Variants in FER1L6 observed in about 807,000 individuals in gnomAD.
The protein encoded by FER1L6 is fer-1 like family member 6.
A neutral mutation model predicts 219.2 loss-of-function variants in FER1L6; 177 were observed. The observed-to-expected ratio is 0.81, with a 90% CI of 0.71 to 0.91. The LOEUF (loss-of-function observed/expected upper bound fraction) is 0.91. Ranked by LOEUF, FER1L6 falls within the 40% of genes least tolerant of loss-of-function variation. The pLI is 0.00. For synonymous variants in FER1L6, 768 were observed against 824.3 expected (o/e 0.93, Z 1.17); for missense variants, 2,153 against 2,259.9 (o/e 0.95, Z 0.96).
At chr8:123,932,980 CT>C (rs1563692268) in intron 1 of FER1L6, among the ~76,000 whole-genome samples, 1 of 152,080 alleles carries the variant, frequency 6.6e-6, no homozygotes, top group African/African-American at 2.4e-5. Flanking sequence ...GGTTCTGCCA[CT>C]AATGACCTGA....
chr8:123,960,095 G>A (rs990711718), intron 2 of FER1L6, among the ~76,000 whole-genome samples: 2 of 152,176 alleles, frequency 1.3e-5, no homozygotes, highest in Non-Finnish European at 2.9e-5. Context: ...TTCCTAACCT[G>A]TAGGGGGGTA....
In FER1L6 at chr8:123,975,222, T is replaced by G; in HGVS notation, c.599T>G (p.Leu200Arg). Residue 200 changes from leucine to arginine, a missense_variant, in exon 8 of 41, where the codon CTG (leucine) becomes CGG (arginine). Transcript: ENST00000522917. ...GDIRTGTKGY[L>R]KCDISVMGKG... is the part of the protein sequence containing the mutation. ...ATCAGGACTGGCACCAAGGGGTACC[T>G]GAAATGTGACATCAGTGTCATGGGA... 6.2e-7 allele frequency: 1 copy of G among 1,613,104 alleles called. No homozygotes were observed. The highest frequency in any genetic ancestry group is 8.5e-7 in the Non-Finnish European group (1 of 1,179,734).
chr8:124,084,039 GCTTT>G (rs923943268), intron 33 of FER1L6, among the ~76,000 whole-genome samples: 47 of 152,072 alleles, frequency 3.1e-4, no homozygotes, highest in South Asian at 2.5e-3. Flanking sequence ...AAATGGGATT[GCTTT>G]CTTTATTTCT....
At chr8:124,088,490 C>T (rs1359366642) in intron 33 of FER1L6, among the ~76,000 whole-genome samples, 1 of 152,022 alleles carries the variant, frequency 6.6e-6, no homozygotes, top group African/African-American at 2.4e-5. Context: ...GTTCTCTACT[C>T]CACGATGGCT....
chr8:123,884,160 G>A (rs1817158740), intron 1 of FER1L6, among the ~76,000 whole-genome samples: 1 of 152,202 alleles, frequency 6.6e-6, no homozygotes, highest in Non-Finnish European at 1.5e-5. Context: ...GGCAGCCTAG[G>A]TGCCATTCAC....
chr8:124,113,713 T>C (rs1389194906), intron 39 of FER1L6, among the ~76,000 whole-genome samples: 1 of 152,246 alleles, frequency 6.6e-6, no homozygotes, highest in Admixed American at 6.5e-5. Context: ...GAGACTAGGC[T>C]TGCTTTATCT....
At position 123,869,187 on chromosome 8, in the gene FER1L6, A is replaced by C. The variant is rs16898973; in HGVS notation, c.-8+17002A>C. On this transcript the variant is annotated intron_variant, in intron 1 of 40. Transcript: ENST00000522917. Reference sequence around the variant, plus strand: ...CTTTTTCACCTTTGCAAGAGTTAATATTTTAGTGTTATATATCATTGTAGA... The same window carrying C: ...CTTTTTCACCTTTGCAAGAGTTAATCTTTTAGTGTTATATATCATTGTAGA... Among the ~76,000 whole-genome samples the C allele has an allele frequency of 7.7e-3, 1,177 of 152,296 alleles. 19 individuals are homozygous for C. Among genetic ancestry groups the C allele is most frequent in the African/African-American group, 0.027 (1,137 of 41,552 alleles).
intron 5 of FER1L6, among the ~76,000 whole-genome samples, chr8:123,967,541 T>C (rs2130231572): frequency 1.3e-5 from 2 of 152,366 alleles, no homozygotes; most frequent in Middle Eastern, 6.8e-3. Flanking sequence ...AATTTCCATG[T>C]CGCTAATTGC....
intron 1 of FER1L6, among the ~76,000 whole-genome samples, chr8:123,908,754 T>G (rs1219841230): frequency 1.3e-5 from 2 of 151,996 alleles, no homozygotes; most frequent in African/African-American, 2.4e-5. Flanking sequence ...AATGAACAAG[T>G]TTAGGAGGAC....
chr8:123,909,399 T>C (rs955932001), intron 1 of FER1L6, among the ~76,000 whole-genome samples: 6 of 152,128 alleles, frequency 3.9e-5, no homozygotes, highest in African/African-American at 1.4e-4. Flanking sequence ...AGATGACTTG[T>C]TGAAAACAGT....
chr8:124,033,721 A>G (rs1314626117), intron 18 of FER1L6, among the ~76,000 whole-genome samples: 2 of 152,250 alleles, frequency 1.3e-5, no homozygotes, highest in Non-Finnish European at 2.9e-5. Context: ...CTTTGTTCAC[A>G]TGCTTTCCTC....
At chr8:123,909,641 T>C (rs887237409) in intron 1 of FER1L6, among the ~76,000 whole-genome samples, 1 of 152,170 alleles carries the variant, frequency 6.6e-6, no homozygotes, top group Non-Finnish European at 1.5e-5. Flanking sequence ...AGAAATTAAC[T>C]TAGGAAAACA....
chr8:123,975,975 G>C lies in FER1L6; in HGVS notation c.761G>C (p.Gly254Ala), dbSNP rs370094800. ...RFYVRLYKAE[G>A]LPKMNSSIMA... is the part of the protein sequence containing the mutation. ...TATGTGAGACTCTACAAAGCAGAAG[G>C]GTTGCCCAAAATGAATTCAAGCATC... Residue 254 changes from glycine (G) to alanine (A), a missense_variant, in exon 9 of 41, where the codon GGG (glycine) becomes GCG (alanine). Gly to Ala is a moderately conservative substitution (Grantham distance 60). Transcript: ENST00000522917. 208 of 1,614,042 alleles carry C rather than the reference G, an allele frequency of 1.3e-4. No individual in the cohort carries two copies. The highest frequency in any genetic ancestry group is 1.6e-4 in the Non-Finnish European group (193 of 1,179,962).
Position 124,003,236 on chromosome 8 carries a change from A to C in FER1L6, c.1589A>C (p.Glu530Ala), listed in dbSNP as rs762385258. The C allele has an allele frequency of 6.2e-7, 1 of 1,614,064 alleles. No individual in the cohort carries two copies. The highest frequency in any genetic ancestry group is 8.5e-7 in the Non-Finnish European group (1 of 1,179,978). ...AAGAAGTCAGCTGAATCAGCTGAAG[A>C]AGACCTCCTTCCACTGCTTCACGAA... ...GSKKSAESAEEDLLPLLHEGQ... is the reference protein window; with the variant it reads ...GSKKSAESAEADLLPLLHEGQ... Residue 530 changes from glutamate (E) to alanine (A), a missense_variant, in exon 13 of 41, where the codon GAA (glutamate) becomes GCA (alanine). Coordinates refer to ENST00000522917, the MANE Select transcript of FER1L6 (RefSeq NM_001039112.2).
intron 21 of FER1L6, chr8:124,046,767 A>G (rs1438666239): frequency 6.6e-6 from 1 of 152,276 alleles, no homozygotes; most frequent in Non-Finnish European, 1.5e-5. Context: ...TGAAGTTCCC[A>G]TCTTGCTTCC....
chr8:124,049,821 C>A, intron 22 of FER1L6, 65 bp downstream of exon 22: 1 of 1,494,422 alleles, frequency 6.7e-7, no homozygotes, highest in Non-Finnish European at 9.3e-7. Flanking sequence ...GGCCTCACCA[C>A]AAATGCCACT....
intron 1 of FER1L6, among the ~76,000 whole-genome samples, chr8:123,909,476 G>A (rs534677560): frequency 2.6e-5 from 4 of 152,262 alleles, no homozygotes; most frequent in South Asian, 2.1e-4. Flanking sequence ...GGGGGCAGAG[G>A]TGAGTTAGGA....
chr8:123,909,831 C>A (rs955901657), intron 1 of FER1L6, among the ~76,000 whole-genome samples: 1 of 151,972 alleles, frequency 6.6e-6, no homozygotes, highest in Non-Finnish European at 1.5e-5. Flanking sequence ...AAACAGAGGA[C>A]ATGAAAGGGA....
chr8:123,979,172 A>G (rs1417879013), intron 10 of FER1L6, among the ~76,000 whole-genome samples: 1 of 152,196 alleles, frequency 6.6e-6, no homozygotes, highest in Admixed American at 6.5e-5. Flanking sequence ...AATTGTCAAC[A>G]CTGGGGGATT....
Sources: allele counts gnomAD v4.1 joint callset (sites outside exome capture counted in the v4.1 genomes callset), GRCh38; gene constraint gnomAD v4.1.1; transcripts MANE v1.5; gene names NCBI Gene and HGNC (gene_info 2026-07-23, HGNC 2026-07-21).